ATG10: variants seen among roughly 807,000 people sequenced by gnomAD.
The protein encoded by ATG10 is ubiquitin-like-conjugating enzyme ATG10.
Under a neutral mutation model 32.1 loss-of-function variants are expected in ATG10, and 30 were observed. The observed-to-expected ratio is 0.94, with a 90% CI of 0.70 to 1.27. The LOEUF (loss-of-function observed/expected upper bound fraction) is 1.27. ATG10 is among the 50% of genes most tolerant of loss of function. ATG10 has a pLI of 0.00. For missense variants in ATG10, 233 were observed against 262.3 expected, an observed-to-expected ratio of 0.89 and a Z score of 0.77; for synonymous variants, 87 against 91.5, an observed-to-expected ratio of 0.95 and a Z score of 0.28.
intron 2 of ATG10, among the ~76,000 whole-genome samples, chr5:82,013,255 G>A (rs1284709708): frequency 2.6e-5 from 4 of 152,132 alleles, no homozygotes; most frequent in African/African-American, 9.7e-5. Context: ...CCGGCCCATT[G>A]TATCATTCTT....
chr5:82,121,879 G>A (rs1766051680), intron 3 of ATG10, among the ~76,000 whole-genome samples: 1 of 150,738 alleles, frequency 6.6e-6, no homozygotes, highest in South Asian at 2.1e-4. Flanking sequence ...TTTTGTTGAG[G>A]ATTTTTGCAT....
At chr5:82,243,481 T>C (rs1018800811) in intron 5 of ATG10, among the ~76,000 whole-genome samples, 4 of 152,054 alleles carry the variant, frequency 2.6e-5, no homozygotes, top group Non-Finnish European at 4.4e-5. Flanking sequence ...GTCAAACAAT[T>C]TTTTTAAATG....
intron 3 of ATG10, among the ~76,000 whole-genome samples, chr5:82,069,650 C>G (rs1179916010): frequency 6.6e-6 from 1 of 152,074 alleles, no homozygotes; most frequent in East Asian, 1.9e-4. Context: ...TGGGTTAGAA[C>G]TATCTAGAAT....
intron 2 of ATG10, among the ~76,000 whole-genome samples, chr5:82,026,913 G>A (rs1388411569): frequency 1.3e-5 from 2 of 151,652 alleles, no homozygotes; most frequent in Non-Finnish European, 2.9e-5. Context: ...ACAAAAATTA[G>A]CCGAGCATGG....
intron 2 of ATG10, among the ~76,000 whole-genome samples, chr5:82,047,959 G>A (rs111446324): frequency 0.062 from 9,400 of 151,258 alleles, 361 homozygotes; most frequent in Non-Finnish European, 0.09. Flanking sequence ...TCCCAGCACC[G>A]TTTATTAAAT....
At chr5:82,095,428 A>C (rs564033663) in intron 3 of ATG10, among the ~76,000 whole-genome samples, 3 of 152,170 alleles carry the variant, frequency 2.0e-5, no homozygotes, top group Non-Finnish European at 4.4e-5. Context: ...ACATGGGGGA[A>C]TAAGAATAGT....
chr5:81,987,777 G>A, intron 2 of ATG10, 99 bp downstream of exon 2: 3 of 848,822 alleles, frequency 3.5e-6, no homozygotes, highest in South Asian at 3.4e-5. Context: ...TTGAAATTAA[G>A]GTATGAAAAC....
intron 2 of ATG10, among the ~76,000 whole-genome samples, chr5:81,994,286 G>A (rs772957795): frequency 2.6e-5 from 4 of 152,196 alleles, no homozygotes; most frequent in Non-Finnish European, 4.4e-5. Flanking sequence ...TACCTTTCTA[G>A]CTTCATTGTC....
At chr5:82,124,954 G>T (rs754207427) in intron 3 of ATG10, among the ~76,000 whole-genome samples, 113 of 152,070 alleles carry the variant, frequency 7.4e-4, no homozygotes, top group Non-Finnish European at 1.5e-3. Flanking sequence ...AGCATCTGTT[G>T]TTTCCTGACT....
chr5:81,987,238 T>C (rs1188576212), intron 1 of ATG10, among the ~76,000 whole-genome samples: 1 of 152,182 alleles, frequency 6.6e-6, no homozygotes, highest in East Asian at 1.9e-4. Flanking sequence ...TCCTCCTGCC[T>C]CAGCCTCCTG....
chr5:82,040,793 A>G lies in ATG10; in HGVS notation c.109-17702A>G, dbSNP rs372273766. On this transcript the variant is annotated intron_variant, in intron 2 of 7. Coordinates refer to ENST00000282185, the MANE Select transcript of ATG10 (RefSeq NM_031482.5). ...TAGAATAATTTCAGCATAAATCATT[A>G]CAATCAAATGGATAGAAATATAAAC... Among the ~76,000 whole-genome samples, 17 of 152,374 alleles carry G rather than the reference A, an allele frequency of 1.1e-4. No individual in the cohort carries two copies. The East Asian group carries it at 2.1e-3, about 19-fold the overall frequency.
chr5:82,193,794 A>G (rs1412560130), intron 5 of ATG10, among the ~76,000 whole-genome samples: 5 of 152,250 alleles, frequency 3.3e-5, no homozygotes, highest in South Asian at 2.1e-4. Context: ...ATTAATTTCA[A>G]TTTCTTCACA....
intron 2 of ATG10, among the ~76,000 whole-genome samples, chr5:82,042,460 A>G (rs1159388659): frequency 1.3e-5 from 2 of 152,094 alleles, no homozygotes; most frequent in Non-Finnish European, 2.9e-5. Flanking sequence ...CCCCTCTCAA[A>G]TCTCATGTCC....
intron 5 of ATG10, among the ~76,000 whole-genome samples, chr5:82,240,304 G>T (rs1746734115): frequency 6.6e-6 from 1 of 152,122 alleles, no homozygotes; most frequent in African/African-American, 2.4e-5. Flanking sequence ...AAGAATATGT[G>T]GTATGTATAC....
At chr5:82,080,758 T>G (rs1002985269) in intron 3 of ATG10, among the ~76,000 whole-genome samples, 3 of 152,208 alleles carry the variant, frequency 2.0e-5, no homozygotes, top group Admixed American at 6.5e-5. Flanking sequence ...CTGTTTTGGT[T>G]ACTGTAGCCT....
chr5:82,189,895 G>A (rs905729629), intron 5 of ATG10, among the ~76,000 whole-genome samples: 1 of 152,154 alleles, frequency 6.6e-6, no homozygotes, highest in Non-Finnish European at 1.5e-5. Flanking sequence ...AAAGTGCTGG[G>A]ATTACAGGCA....
At chr5:82,150,832 T>C (rs562480605) in intron 3 of ATG10, among the ~76,000 whole-genome samples, 3 of 152,364 alleles carry the variant, frequency 2.0e-5, no homozygotes, top group African/African-American at 4.8e-5. Context: ...AAGATTTCCA[T>C]GTTCAGAGAA....
chr5:82,011,864 C>T lies in ATG10; in HGVS notation c.108+24186C>T, dbSNP rs542034893. 1.2e-4 allele frequency among the ~76,000 whole-genome samples: 19 copies of T among 152,280 alleles called. No homozygotes were observed. The South Asian group carries it at 2.3e-3, about 18-fold the overall frequency. ...CCTACACATGTGAGTGGAAGGCTGCCAGGGTTGTGTGTAGTTTCTCAAGCT... is the reference window on the plus strand; with the variant it reads ...CCTACACATGTGAGTGGAAGGCTGCTAGGGTTGTGTGTAGTTTCTCAAGCT... On this transcript the variant is annotated intron_variant, in intron 2 of 7. Coordinates refer to ENST00000282185, the MANE Select transcript of ATG10 (RefSeq NM_031482.5).
chr5:82,094,234 A>T (rs1181787073), intron 3 of ATG10, among the ~76,000 whole-genome samples: 7 of 152,038 alleles, frequency 4.6e-5, no homozygotes, highest in Admixed American at 4.6e-4. Context: ...ATCACTGCCC[A>T]TTTGTTGCTT....
Sources: gnomAD v4.1 joint callset for allele counts (sites outside exome capture counted in the v4.1 genomes callset) on GRCh38, gnomAD v4.1.1 for gene constraint, MANE v1.5 for transcripts, NCBI Gene and HGNC (gene_info 2026-07-23, HGNC 2026-07-21) for gene names.